MDGA2: variants seen among roughly 807,000 people sequenced by gnomAD.
MDGA2 encodes MAM domain-containing glycosylphosphatidylinositol anchor protein 2.
MDGA2 carries 40 observed loss-of-function variants against 117.8 expected under a neutral mutation model. That is an observed-to-expected ratio of 0.34 (90% CI 0.26 to 0.44). The LOEUF (loss-of-function observed/expected upper bound fraction) is 0.44. Among genes scored for constraint, MDGA2 ranks in the 20% least tolerant of loss-of-function variants. The probability of loss-of-function intolerance (pLI) is 1.00; values close to 1 mark genes in which losing one functional copy is unlikely to be tolerated. For synonymous variants in MDGA2, 452 were observed against 439.0 expected, an observed-to-expected ratio of 1.03 and a Z score of -0.37; for missense variants, 1,123 against 1,250.6, an observed-to-expected ratio of 0.90 and a Z score of 1.54.
At chr14:47,195,673 C>T (rs760302859) in intron 3 of MDGA2, among the ~76,000 whole-genome samples, 1 of 151,916 alleles carries the variant, frequency 6.6e-6, no homozygotes, top group African/African-American at 2.4e-5. Flanking sequence ...ATTTAAAATG[C>T]TATTGCAACA....
At chr14:47,394,422 C>A (rs376074143) in intron 1 of MDGA2, among the ~76,000 whole-genome samples, 23 of 152,146 alleles carry the variant, frequency 1.5e-4, no homozygotes, top group Middle Eastern at 3.4e-3. Context: ...ATTAAGAAAC[C>A]ATCTTAAACT....
intron 1 of MDGA2, among the ~76,000 whole-genome samples, chr14:47,453,441 G>T (rs2138575281): frequency 6.6e-6 from 1 of 152,234 alleles, no homozygotes; most frequent in Middle Eastern, 3.4e-3. Context: ...CACTAAATCT[G>T]GGAGTGATTT....
intron 10 of MDGA2, among the ~76,000 whole-genome samples, chr14:46,894,118 TGC>T (rs1882986807): frequency 6.6e-6 from 1 of 152,086 alleles, no homozygotes; most frequent in Admixed American, 6.6e-5. Context: ...CCAGATATTT[TGC>T]TAAATATTTT....
intron 1 of MDGA2, among the ~76,000 whole-genome samples, chr14:47,543,967 A>G (rs1895405056): frequency 6.6e-6 from 1 of 152,224 alleles, no homozygotes. Flanking sequence ...TGTTTAATCC[A>G]GTGTCTTTCC....
intron 1 of MDGA2, among the ~76,000 whole-genome samples, chr14:47,594,519 A>T (rs1594934829): frequency 6.6e-6 from 1 of 152,222 alleles, no homozygotes; most frequent in African/African-American, 2.4e-5. Flanking sequence ...ATTAAGTTTC[A>T]ATTTGAGCAA....
intron 2 of MDGA2, among the ~76,000 whole-genome samples, chr14:47,297,218 C>T (rs12147393): frequency 0.28 from 42,136 of 151,608 alleles, 6,643 homozygotes; most frequent in Admixed American, 0.47. Flanking sequence ...GGAAATGCAA[C>T]GAACGAGAAC....
chr14:47,166,920 A>G (rs1475914636), intron 3 of MDGA2, among the ~76,000 whole-genome samples: 1 of 152,156 alleles, frequency 6.6e-6, no homozygotes, highest in East Asian at 1.9e-4. Flanking sequence ...CTGACAAGAC[A>G]GTGTGTGTGT....
At chr14:47,533,354 T>A (rs1895140154) in intron 1 of MDGA2, among the ~76,000 whole-genome samples, 1 of 152,220 alleles carries the variant, frequency 6.6e-6, no homozygotes, top group Non-Finnish European at 1.5e-5. Flanking sequence ...TGCCCTTCCA[T>A]TCCCACAATA....
chr14:47,504,579 A>G (rs1486387134), intron 1 of MDGA2, among the ~76,000 whole-genome samples: 1 of 152,144 alleles, frequency 6.6e-6, no homozygotes, highest in Non-Finnish European at 1.5e-5. Flanking sequence ...AATGGCTAAC[A>G]GGTATATTCA....
intron 1 of MDGA2, among the ~76,000 whole-genome samples, chr14:47,656,664 G>C (rs553483280): frequency 1.3e-5 from 2 of 152,262 alleles, no homozygotes; most frequent in East Asian, 3.9e-4. Context: ...TACCTCCTAT[G>C]GGAGTGGGCA....
intron 14 of MDGA2, among the ~76,000 whole-genome samples, chr14:46,861,274 A>G (rs1881495891): frequency 6.6e-6 from 1 of 151,948 alleles, no homozygotes; most frequent in African/African-American, 2.4e-5. Context: ...TAATAAATAC[A>G]TGATTTAGTA....
chr14:47,455,980 A>G (rs1456552236), intron 1 of MDGA2, among the ~76,000 whole-genome samples: 1 of 151,982 alleles, frequency 6.6e-6, no homozygotes, highest in African/African-American at 2.4e-5. Context: ...CTGGGCAACA[A>G]AGTGAGACTC....
chr14:47,576,952 T>C (rs1896127453), intron 1 of MDGA2, among the ~76,000 whole-genome samples: 1 of 152,144 alleles, frequency 6.6e-6, no homozygotes, highest in African/African-American at 2.4e-5. Flanking sequence ...GGTCTCACTA[T>C]ATTGCCCAGG....
At chr14:47,294,863 T>C (rs1364651895) in intron 2 of MDGA2, among the ~76,000 whole-genome samples, 1 of 152,180 alleles carries the variant, frequency 6.6e-6, no homozygotes, top group East Asian at 1.9e-4. Flanking sequence ...AAGATTACCA[T>C]TTGAGAATCT....
intron 1 of MDGA2, among the ~76,000 whole-genome samples, chr14:47,381,073 T>G (rs898738443): frequency 3.3e-5 from 5 of 152,164 alleles, no homozygotes; most frequent in Non-Finnish European, 7.3e-5. Context: ...AATCAGTAAA[T>G]GTAATCCAGC....
chr14:47,202,633 C>A (rs187949481), intron 3 of MDGA2, among the ~76,000 whole-genome samples: 1 of 152,314 alleles, frequency 6.6e-6, no homozygotes. Context: ...TTTATCCTTA[C>A]AGCAATCCTA....
At chr14:47,356,317 C>T (rs956468506) in intron 1 of MDGA2, among the ~76,000 whole-genome samples, 13 of 152,278 alleles carry the variant, frequency 8.5e-5, no homozygotes, top group Admixed American at 2.0e-4. Context: ...GCTTATCGCC[C>T]TCTTTCACTC....
At chr14:46,935,883 GA>G (rs1884762353) in intron 9 of MDGA2, among the ~76,000 whole-genome samples, 1 of 152,064 alleles carries the variant, frequency 6.6e-6, no homozygotes, top group South Asian at 2.1e-4. Context: ...TTACTTGACA[GA>G]ACTGATTTAT....
chr14:47,061,343 T>C lies in MDGA2; in HGVS notation c.1431A>G (p.Lys477=). ...ATGTGTACGTCCCAAAATCCGTGAA[T>C]TTTAAATCAATGATGTCCAAGTTTG... is the stretch of plus-strand genomic sequence containing the variant. ...GTTNLDIIDL[K]FTDFGTYTCV... is the part of the protein sequence containing the mutation. The change falls in exon 7 of 17, where the codon AAA becomes AAG. Residue 477 remains lysine, a synonymous_variant. Transcript: ENST00000399232. The C allele has an allele frequency of 6.2e-7, 1 of 1,613,676 alleles. No homozygotes were observed. Among genetic ancestry groups the C allele is most frequent in the Non-Finnish European group, 8.5e-7 (1 of 1,179,684 alleles).
Sources: allele counts gnomAD v4.1 joint callset (sites outside exome capture counted in the v4.1 genomes callset), GRCh38; gene constraint gnomAD v4.1.1; transcripts MANE v1.5; gene names NCBI Gene and HGNC (gene_info 2026-07-23, HGNC 2026-07-21).